Variants in THSD1 observed in about 807,000 individuals in gnomAD.
THSD1 encodes the protein thrombospondin type 1 domain containing 1, also known as thrombospondin type-1 domain-containing protein 1.
THSD1 carries 34 observed loss-of-function variants against 46.3 expected under a neutral mutation model. The observed-to-expected ratio is 0.74, with a 90% CI of 0.56 to 0.98. The LOEUF is 0.98. Among genes scored for constraint, THSD1 ranks in the 50% least tolerant of loss-of-function variants. The pLI is 0.00. For synonymous variants in THSD1, 407 were observed against 416.5 expected, an observed-to-expected ratio of 0.98 and a Z score of 0.28; for missense variants, 1,023 against 1,058.3, an observed-to-expected ratio of 0.97 and a Z score of 0.46.
chr13:52,378,813 C>CG lies in THSD1; in HGVS notation c.1181-25_1181-24insC, dbSNP rs1566959809. The CG allele has an allele frequency of 2.6e-6, 4 of 1,538,048 alleles. No homozygotes were observed. In the South Asian group the frequency reaches 4.9e-5, roughly 19 times the overall value. On this transcript the variant is annotated intron_variant, in intron 4 of 4. Transcript: ENST00000258613. ...AGCTGCAAAAAAAAACAAAACAAAA[C>CG]AAACAAACAAAAAACACAGAGGAAC...
intron 4 of THSD1, among the ~76,000 whole-genome samples, chr13:52,384,846 A>T (rs1464488752): frequency 6.6e-6 from 1 of 152,146 alleles, no homozygotes; most frequent in Non-Finnish European, 1.5e-5. Flanking sequence ...AGCCTTGGAC[A>T]ACAGTATATC....
chr13:52,402,403 A>C (rs1176454447), intron 2 of THSD1, 140 bp downstream of exon 2: 1 of 522,420 alleles, frequency 1.9e-6, no homozygotes, highest in African/African-American at 2.0e-5. Context: ...CCAGGGTTGC[A>C]AGGGTCACAG....
At chr13:52,400,806 A>T (rs1476308610) in intron 2 of THSD1, among the ~76,000 whole-genome samples, 1 of 152,060 alleles carries the variant, frequency 6.6e-6, no homozygotes, top group Non-Finnish European at 1.5e-5. Flanking sequence ...TTCAACTTTC[A>T]TTTTCATATT....
chr13:52,395,130 T>A (rs1437450177), intron 3 of THSD1, among the ~76,000 whole-genome samples: 1 of 152,192 alleles, frequency 6.6e-6, no homozygotes, highest in Non-Finnish European at 1.5e-5. Flanking sequence ...TCATGCCTAG[T>A]GAAATGACAG....
chr13:52,403,256 C>T (rs757917061), intron 1 of THSD1, among the ~76,000 whole-genome samples: 4 of 152,160 alleles, frequency 2.6e-5, no homozygotes, highest in African/African-American at 9.7e-5. Context: ...CAGAATACTA[C>T]AATTAAATAT....
At chr13:52,387,924 G>C (rs1024922867) in intron 3 of THSD1, among the ~76,000 whole-genome samples, 1 of 152,118 alleles carries the variant, frequency 6.6e-6, no homozygotes, top group Non-Finnish European at 1.5e-5. Flanking sequence ...CAAAGTTAAT[G>C]AAAGACTCCA....
At chr13:52,380,473 A>T (rs930703168) in intron 4 of THSD1, among the ~76,000 whole-genome samples, 1 of 143,486 alleles carries the variant, frequency 7.0e-6, no homozygotes, top group Non-Finnish European at 1.5e-5. Context: ...GTTTCCCCCA[A>T]TCCTCTCAGT....
chr13:52,388,661 A>G (rs1029508552), intron 3 of THSD1, among the ~76,000 whole-genome samples: 12 of 152,140 alleles, frequency 7.9e-5, no homozygotes, highest in African/African-American at 2.9e-4. Context: ...TGGTATTTTT[A>G]GTAGAAACGG....
At chr13:52,396,992 T>C (rs749423751) in intron 3 of THSD1, among the ~76,000 whole-genome samples, 1 of 152,208 alleles carries the variant, frequency 6.6e-6, no homozygotes, top group Non-Finnish European at 1.5e-5. Context: ...TCTCCACGAC[T>C]CTGAAGTATG....
intron 3 of THSD1, among the ~76,000 whole-genome samples, chr13:52,389,367 A>G (rs1957756755): frequency 6.6e-6 from 1 of 152,198 alleles, no homozygotes; most frequent in Admixed American, 6.5e-5. Context: ...AAAGATGAAA[A>G]AACAGAATGG....
At chr13:52,389,626 C>G (rs749712422) in intron 3 of THSD1, among the ~76,000 whole-genome samples, 2 of 151,870 alleles carry the variant, frequency 1.3e-5, no homozygotes, top group Non-Finnish European at 2.9e-5. Flanking sequence ...AAATAGACTG[C>G]AGAACCAGGG....
intron 4 of THSD1, 39 bp downstream of exon 4, chr13:52,385,989 C>A: frequency 6.3e-7 from 1 of 1,598,792 alleles, no homozygotes; most frequent in Non-Finnish European, 8.5e-7. Flanking sequence ...CTGATGAAGG[C>A]TCTGAGGAGA....
rs774828511 is a variant in THSD1, at chr13:52,377,260, C to T, written c.*151G>A. On this transcript the variant is annotated 3_prime_UTR_variant, in exon 5 of 5. Transcript: ENST00000258613. Reference sequence around the variant, plus strand: ...AAAGCTCAAGATAAATAATTTCTTCCTTGTGAATTCAAACACATGCATACA... The same window carrying T: ...AAAGCTCAAGATAAATAATTTCTTCTTTGTGAATTCAAACACATGCATACA... The T allele has an allele frequency of 1.3e-5, 17 of 1,306,088 alleles. No individual in the cohort carries two copies. The highest frequency in any genetic ancestry group is 1.7e-5 in the Non-Finnish European group (17 of 1,022,162). 80.9% of individuals were successfully genotyped at this position (1,306,088 alleles called of 1,614,324 possible). A position where few individuals can be genotyped will look rare whatever the true frequency, so the allele number is the denominator to read the frequency against.
At chr13:52,395,798 A>T (rs745703230) in intron 3 of THSD1, among the ~76,000 whole-genome samples, 14 of 151,932 alleles carry the variant, frequency 9.2e-5, no homozygotes, top group Non-Finnish European at 1.6e-4. Context: ...GTTGTGTAGA[A>T]CAGGAGCAAG....
chr13:52,402,956 C>G (rs1957876199), intron 1 of THSD1: 2 of 985,214 alleles, frequency 2.0e-6, no homozygotes, highest in Admixed American at 6.1e-5. Context: ...ACAGCACATC[C>G]TGACGTGGAG....
At chr13:52,385,468 T>C (rs1293836341) in intron 4 of THSD1, among the ~76,000 whole-genome samples, 1 of 152,146 alleles carries the variant, frequency 6.6e-6, no homozygotes, top group Non-Finnish European at 1.5e-5. Flanking sequence ...TTGAAGATGC[T>C]TAGAAGATAC....
At position 52,402,674 on chromosome 13, in the gene THSD1, A is replaced by T. The variant is rs888312698; in HGVS notation, c.-74T>A. On this transcript the variant is annotated 5_prime_UTR_variant, in exon 2 of 5. Coordinates refer to ENST00000258613, the MANE Select transcript of THSD1 (RefSeq NM_018676.4). ...CGTCCAGATTGTGATTTTTTTCCCC[A>T]AAAACACCTGAAATTAGAACCTCAA... 1 of 1,584,250 alleles carries T rather than the reference A, an allele frequency of 6.3e-7. No individual in the cohort carries two copies. Among genetic ancestry groups the T allele is most frequent in the East Asian group, 2.3e-5 (1 of 44,124 alleles).
rs771988684 is a variant in THSD1 at position 52,402,564 on chromosome 13, A to C, written c.37T>G (p.Leu13Val). 8 of 1,613,992 alleles carry C rather than the reference A, an allele frequency of 5.0e-6. No individual in the cohort carries two copies. The highest frequency in any genetic ancestry group is 6.8e-6 in the Non-Finnish European group (8 of 1,179,930). Reference sequence around the variant, plus strand: ...TCACCATAGTCACAGAGTACCACCAACAATAGATTTGAAAAGTCTTTCAAC... The same window carrying C: ...TCACCATAGTCACAGAGTACCACCACCAATAGATTTGAAAAGTCTTTCAAC... ...PMLKDFSNLL[L>V]VVLCDYVLGE... The change falls in exon 2 of 5, where the codon TTG becomes GTG. Residue 13 changes from leucine to valine, a missense_variant. This residue lies in a region of THSD1 where 429 missense variants were observed against 518.3 expected (regional missense o/e 0.83). Transcript: ENST00000258613.
intron 3 of THSD1, among the ~76,000 whole-genome samples, chr13:52,388,141 G>A (rs1187414583): frequency 1.3e-5 from 2 of 150,694 alleles, no homozygotes. Flanking sequence ...ATAAGAGAAT[G>A]TCATCTCTAA....
Sources: gnomAD v4.1 joint callset for allele counts (sites outside exome capture counted in the v4.1 genomes callset) on GRCh38, gnomAD v4.1.1 for gene constraint, gnomAD v4.1.1 regional missense constraint, MANE v1.5 for transcripts, NCBI Gene and HGNC (gene_info 2026-07-23, HGNC 2026-07-21) for gene names.